Variants in DNAH3 observed in about 807,000 individuals in gnomAD.
DNAH3 encodes the protein axonemal beta dynein heavy chain 3.
Under a neutral mutation model 432.5 loss-of-function variants are expected in DNAH3, and 332 were observed. The ratio of observed to expected loss-of-function variants is 0.77; its 90% CI spans 0.70 to 0.84. The LOEUF (loss-of-function observed/expected upper bound fraction) is 0.84. Among genes scored for constraint, DNAH3 ranks in the 40% least tolerant of loss-of-function variants. DNAH3 has a pLI of 0.00. For synonymous variants in DNAH3, 1,956 were observed against 1,900.2 expected (o/e 1.03, Z -0.76); for missense variants, 4,861 against 5,114.0 (o/e 0.95, Z 1.51).
At chr16:21,051,037 T>C (rs1436323796) in intron 29 of DNAH3, among the ~76,000 whole-genome samples, 1 of 152,030 alleles carries the variant, frequency 6.6e-6, no homozygotes, top group East Asian at 1.9e-4. Flanking sequence ...GTGGAATAAA[T>C]AAATGAATGA....
exon 46 of DNAH3, chr16:20,987,768 T>C: frequency 1.9e-6 from 3 of 1,614,164 alleles, no homozygotes; most frequent in Non-Finnish European, 2.5e-6. Flanking sequence ...AGACGTAATG[T>C]GACTTCGAGG....
intron 61 of DNAH3, 148 bp downstream of exon 61, chr16:20,935,200 T>A (rs1395380836): frequency 8.2e-6 from 7 of 854,834 alleles, no homozygotes; most frequent in Non-Finnish European, 1.3e-5. Context: ...CTTTTAGAGC[T>A]ACTGTAAATT....
chr16:20,961,267 G>A (rs1161127853), intron 53 of DNAH3, among the ~76,000 whole-genome samples: 2 of 152,126 alleles, frequency 1.3e-5, no homozygotes, highest in African/African-American at 4.8e-5. Context: ...GGTCTTTGCG[G>A]AGGCAAAGTT....
intron 27 of DNAH3, among the ~76,000 whole-genome samples, 192 bp from the exon 28 acceptor site, chr16:21,054,726 C>T (rs1465505209): frequency 6.6e-6 from 1 of 152,088 alleles, no homozygotes; most frequent in African/African-American, 2.4e-5. Context: ...CTGAAAGAGG[C>T]AAGATTTGGA....
At chr16:20,969,858 C>G in exon 52 of DNAH3, 1 of 1,614,194 alleles carries the variant, frequency 6.2e-7, no homozygotes, top group Non-Finnish European at 8.5e-7. Flanking sequence ...CTCTCCATGA[C>G]CAGTTTGACA....
chr16:21,131,299 C>G (rs895086622), intron 7 of DNAH3, among the ~76,000 whole-genome samples: 2 of 151,884 alleles, frequency 1.3e-5, no homozygotes, highest in African/African-American at 2.4e-5. Context: ...GCACCACACC[C>G]TGGGTGACAG....
At chr16:21,053,004 A>AG (rs1394020916) in intron 28 of DNAH3, among the ~76,000 whole-genome samples, 1 of 152,172 alleles carries the variant, frequency 6.6e-6, no homozygotes, top group Non-Finnish European at 1.5e-5. Context: ...TCCAAGTGAC[A>AG]GGGGCCTTGA....
intron 53 of DNAH3, among the ~76,000 whole-genome samples, chr16:20,959,610 AACACAC>A (rs55757849): frequency 0.018 from 2,533 of 137,566 alleles, 31 homozygotes; most frequent in African/African-American, 0.042. Context: ...TCTCTATTTA[AACACAC>A]ACACACACAC....
intron 23 of DNAH3, among the ~76,000 whole-genome samples, chr16:21,068,325 T>TGGGGGGGGGGGGGG: frequency 1.3e-5 from 1 of 76,600 alleles, no homozygotes; most frequent in Non-Finnish European, 3.0e-5. Flanking sequence ...TTTTTTTGGG[T>TGGGGGGGGGGGGGG]GGGGGGGGGG....
chr16:21,054,791 T>C (rs1163993760), intron 27 of DNAH3, among the ~76,000 whole-genome samples: 1 of 152,142 alleles, frequency 6.6e-6, no homozygotes, highest in African/African-American at 2.4e-5. Flanking sequence ...GGCAAAATTA[T>C]AGGAGTGAGC....
chr16:21,060,350 C>T (rs1450685874), exon 26 of DNAH3: 1 of 1,613,720 alleles, frequency 6.2e-7, no homozygotes. Flanking sequence ...CACTTTTCCA[C>T]CATGCCCTAT....
intron 5 of DNAH3, among the ~76,000 whole-genome samples, chr16:21,138,902 G>T (rs1387096623): frequency 6.6e-6 from 1 of 151,918 alleles, no homozygotes; most frequent in African/African-American, 2.4e-5. Flanking sequence ...TAAGCACATT[G>T]CTTAAACAGT....
chr16:21,046,040 T>G (rs1448687114), intron 31 of DNAH3, among the ~76,000 whole-genome samples: 1 of 151,942 alleles, frequency 6.6e-6, no homozygotes, highest in Non-Finnish European at 1.5e-5. Flanking sequence ...GTCTGAGAGA[T>G]AGTTTGTTAT....
In DNAH3 at chr16:21,154,196, G is replaced by A. The variant is rs192326157; in HGVS notation, c.117+5129C>T. 5.3e-4 allele frequency among the ~76,000 whole-genome samples: 80 copies of A among 152,342 alleles called. 1 individual carries two copies. Among genetic ancestry groups the A allele is most frequent in the Non-Finnish European group, 8.1e-4 (55 of 68,034 alleles). On this transcript the variant is annotated intron_variant, in intron 1 of 61. Coordinates refer to ENST00000261383, the Ensembl canonical transcript of DNAH3. The stretch of plus-strand genomic sequence containing the variant: ...AGGCGAGTGGATCGCCTGAGGTCAG[G>A]GGTTCAAGACCAACCTGGCCAACAT...
chr16:21,027,279 C>T (rs1433769649), intron 37 of DNAH3, 152 bp from the exon 38 acceptor site: 2 of 596,940 alleles, frequency 3.4e-6, no homozygotes, highest in African/African-American at 3.7e-5. Context: ...TGCACTAACT[C>T]CTAGGTGCAT....
At chr16:20,968,883 CTCTCTGTT>C (rs151172003) in intron 52 of DNAH3, among the ~76,000 whole-genome samples, 232 of 151,608 alleles carry the variant, frequency 1.5e-3, no homozygotes, top group African/African-American at 5.1e-3. Context: ...CCCACTCTGT[CTCTCTGTT>C]TCTGTGTCTC....
intron 37 of DNAH3, among the ~76,000 whole-genome samples, chr16:21,028,305 A>G (rs765642220): frequency 8.6e-5 from 13 of 152,046 alleles, no homozygotes; most frequent in Non-Finnish European, 1.8e-4. Context: ...CTGCCTCCCA[A>G]AGTGCTAGGA....
Position 20,985,330 on chromosome 16 carries a change from T to C in DNAH3, c.7412A>G (p.Glu2471Gly), listed in dbSNP as rs1221018023. The C allele has an allele frequency of 1.9e-6, 3 of 1,614,116 alleles. No homozygotes were observed. In the African/African-American group the frequency reaches 4.0e-5, roughly 22 times the overall value. ...CTGCAGTATGATCTTCTTAAGATCT[T>C]CTCGCCAGTCATTGCCTGCGTAGTT... Residue 2471 changes from glutamate (E) to glycine (G), a missense_variant, in exon 48 of 62, where the codon GAA becomes GGA. By Grantham distance (98) the Glu-to-Gly change is moderately conservative. Transcript: ENST00000261383.
chr16:21,105,284 G>C (rs1190027940), intron 15 of DNAH3, among the ~76,000 whole-genome samples: 1 of 152,108 alleles, frequency 6.6e-6, no homozygotes, highest in East Asian at 1.9e-4. Flanking sequence ...GTAATTCACA[G>C]GTATTTTCAG....
Sources: allele counts gnomAD v4.1 joint callset (sites outside exome capture counted in the v4.1 genomes callset), GRCh38; gene constraint gnomAD v4.1.1; transcripts MANE v1.5; gene names NCBI Gene and HGNC (gene_info 2026-07-23, HGNC 2026-07-21).